RPL14: variants seen among roughly 807,000 people sequenced by gnomAD.
RPL14 encodes large ribosomal subunit protein eL14.
In RPL14, 4 loss-of-function variants were observed where a neutral mutation model predicts 25.3. The ratio of observed to expected loss-of-function variants is 0.16; its 90% CI spans 0.08 to 0.36. RPL14 has a LOEUF of 0.36. Among genes scored for constraint, RPL14 ranks in the 10% least tolerant of loss-of-function variants. The pLI, the probability that RPL14 is intolerant of heterozygous loss-of-function variation, is 1.00. For missense variants in RPL14, 212 were observed against 261.9 expected (o/e 0.81, Z 1.31); for synonymous variants, 75 against 89.8 (o/e 0.84, Z 0.93).
intron 3 of RPL14, among the ~76,000 whole-genome samples, chr3:40,459,682 C>T (rs539181487): frequency 3.0e-4 from 45 of 151,884 alleles, no homozygotes; most frequent in African/African-American, 1.0e-3. Context: ...GGTGAAACCC[C>T]GTCTCTACTA....
In RPL14 at chr3:40,458,265, A is replaced by G. The variant is rs1009881295; in HGVS notation, c.105+274A>G. ...TTACTATACGTAAAGTGAGTTTAGAACAGATCCAGCACGTAGAAAGCACTT... is the reference window on the plus strand; with the variant it reads ...TTACTATACGTAAAGTGAGTTTAGAGCAGATCCAGCACGTAGAAAGCACTT... On this transcript the variant is annotated intron_variant, in intron 2 of 5. Coordinates refer to ENST00000396203, the MANE Select transcript of RPL14 (RefSeq NM_001034996.3). 4 of 548,920 alleles carry G rather than the reference A, an allele frequency of 7.3e-6. No individual in the cohort carries two copies. In the African/African-American group the frequency reaches 7.5e-5, roughly 10 times the overall value. 34.0% of individuals were successfully genotyped at this position (548,920 alleles called of 1,614,324 possible).
chr3:40,458,770 C>T, intron 3 of RPL14, 34 bp downstream of exon 3: 1 of 1,563,516 alleles, frequency 6.4e-7, no homozygotes, highest in Non-Finnish European at 8.8e-7. Context: ...CCCTCCCATC[C>T]CCAGATTTGT....
chr3:40,457,406 G>C lies in RPL14; in HGVS notation c.-66G>C, dbSNP rs1285892471. ...GGGCTCCGGGGCCGTCGACCATGCC[G>C]CTCGACCTCCACCTCCGCTGGGAAG... is the stretch of plus-strand genomic sequence containing the variant. On this transcript the variant is annotated 5_prime_UTR_variant, in exon 1 of 6. Coordinates refer to ENST00000396203, the MANE Select transcript of RPL14 (RefSeq NM_001034996.3). The C allele has an allele frequency of 6.3e-7, 1 of 1,596,380 alleles. No individual in the cohort carries two copies. Among genetic ancestry groups the C allele is most frequent in the African/African-American group, 1.4e-5 (1 of 73,322 alleles).
At chr3:40,460,637 G>A (rs1463654149) in intron 3 of RPL14, among the ~76,000 whole-genome samples, 4 of 149,210 alleles carry the variant, frequency 2.7e-5, no homozygotes, top group Non-Finnish European at 4.4e-5. Context: ...CTTTTGACAC[G>A]GAGTCTCACT....
rs753386671 is a variant in RPL14, at chr3:40,457,462, C to A, written c.-10C>A. The A allele has an allele frequency of 1.3e-6, 2 of 1,570,642 alleles. No individual in the cohort carries two copies. Among genetic ancestry groups the A allele is most frequent in the Admixed American group, 1.9e-5 (1 of 53,984 alleles). On this transcript the variant is annotated 5_prime_UTR_variant, in exon 1 of 6. Coordinates refer to ENST00000396203, the MANE Select transcript of RPL14 (RefSeq NM_001034996.3). Reference sequence around the variant, plus strand: ...GCGCCAAACGGCTCCCAGAGGGTCCCGGGAAGCGCATGGTGAGGGTCCCCG... The same window carrying A: ...GCGCCAAACGGCTCCCAGAGGGTCCAGGGAAGCGCATGGTGAGGGTCCCCG...
rs767738336 is a variant in RPL14, at chr3:40,461,427, G to A, written c.221G>A (p.Arg74Gln). 5.0e-6 allele frequency: 8 copies of A among 1,614,038 alleles called. No homozygotes were observed. The highest frequency in any genetic ancestry group is 1.3e-5 in the African/African-American group (1 of 75,010). ...TCTAGTGCCCACCAGAAGTATGTCCGACAAGCCTGGCAGAAGGCAGACATC... is the reference window on the plus strand; with the variant it reads ...TCTAGTGCCCACCAGAAGTATGTCCAACAAGCCTGGCAGAAGGCAGACATC... ...FPHSAHQKYV[R>Q]QAWQKADINT... The change falls in exon 4 of 6, where the codon CGA (arginine) becomes CAA (glutamine). Residue 74 changes from arginine to glutamine, a missense_variant. Physicochemically the swap from Arg to Gln is conservative, Grantham distance 43 (BLOSUM62 1). This residue lies in a region of RPL14 where 143 missense variants were observed against 180.3 expected (regional missense o/e 0.79). Transcript: ENST00000396203.
chr3:40,460,119 G>A (rs1696912516), intron 3 of RPL14, among the ~76,000 whole-genome samples: 1 of 152,058 alleles, frequency 6.6e-6, no homozygotes, highest in South Asian at 2.1e-4. Flanking sequence ...TTCTGCCTTG[G>A]ATCCCTGGAC....
intron 3 of RPL14, among the ~76,000 whole-genome samples, chr3:40,459,875 A>AAC (rs1326664923): frequency 6.6e-6 from 1 of 150,918 alleles, no homozygotes; most frequent in East Asian, 2.0e-4. Flanking sequence ...AAAAAAAAAA[A>AAC]AAAAACTTAC....
chr3:40,458,409 G>A, intron 2 of RPL14: 1 of 544,842 alleles, frequency 1.8e-6, no homozygotes, highest in South Asian at 2.3e-5. Context: ...GTTTCTATGG[G>A]GTACTATATA....
In RPL14 at chr3:40,458,714, T is replaced by G. The variant is rs1481450301; in HGVS notation, c.178T>G (p.Phe60Val). ...TTTCAAGTGCATGCAGCTCACTGAT[T>G]TCATCCTCAAGTTTCCGCACAGGTA... ...MPFKCMQLTD[F>V]ILKFPHSAHQ... The change falls in exon 3 of 6, where the codon TTC (phenylalanine) becomes GTC (valine). Residue 60 changes from phenylalanine (F) to valine (V), a missense_variant. Phe to Val is a conservative substitution (Grantham distance 50). Around this residue, in one of 3 missense-constraint regions of RPL14, gnomAD observed 143 missense variants for 180.3 expected, o/e 0.79. Transcript: ENST00000396203. 2.5e-6 allele frequency: 4 copies of G among 1,614,090 alleles called. No individual in the cohort carries two copies. In the Admixed American group the frequency reaches 6.7e-5, roughly 27 times the overall value.
rs752426645 is a variant in RPL14 at position 40,461,681 on chromosome 3, T to A, written c.354+20T>A. On this transcript the variant is annotated intron_variant, in intron 5 of 5. Transcript: ENST00000396203. ...AAAATGGTAAGATTTAAGATCTGTA[T>A]TTTTGTGTAACTTAGCTTTAAATAA... is the stretch of plus-strand genomic sequence containing the variant. 6.3e-7 allele frequency: 1 copy of A among 1,585,994 alleles called. No individual in the cohort carries two copies. The highest frequency in any genetic ancestry group is 8.6e-7 in the Non-Finnish European group (1 of 1,168,386).
At chr3:40,458,126 T>A in intron 2 of RPL14, 135 bp downstream of exon 2, 1 of 725,012 alleles carries the variant, frequency 1.4e-6, no homozygotes, top group Non-Finnish European at 2.4e-6. Context: ...AGGAAACAGG[T>A]AATGGTACGG....
chr3:40,457,511 G>T (rs1696860055), intron 1 of RPL14, 37 bp downstream of exon 1: 4 of 1,472,764 alleles, frequency 2.7e-6, no homozygotes, highest in Non-Finnish European at 3.7e-6. Flanking sequence ...GCGGAATCGG[G>T]CCCTTCCCGG....
chr3:40,458,745 C>T lies in RPL14; in HGVS notation c.200+9C>T. On this transcript the variant is annotated intron_variant, in intron 3 of 5. Transcript: ENST00000396203. Reference sequence around the variant, plus strand: ...CTCAAGTTTCCGCACAGGTAACTGTCCACTAATCACTCCTCCCTCCCATCC... The same window carrying T: ...CTCAAGTTTCCGCACAGGTAACTGTTCACTAATCACTCCTCCCTCCCATCC... The T allele has an allele frequency of 1.2e-6, 2 of 1,605,976 alleles. No homozygotes were observed. The highest frequency in any genetic ancestry group is 1.7e-6 in the Non-Finnish European group (2 of 1,172,634).
At chr3:40,459,205 A>G (rs556576822) in intron 3 of RPL14, 11 of 154,510 alleles carry the variant, frequency 7.1e-5, no homozygotes, top group African/African-American at 2.5e-4. Flanking sequence ...AATAAAATAA[A>G]TGCCTTGAGG....
chr3:40,461,633 G>T lies in RPL14; in HGVS notation c.326G>T (p.Arg109Leu). 2 of 1,603,818 alleles carry T rather than the reference G, an allele frequency of 1.2e-6. No homozygotes were observed. The highest frequency in any genetic ancestry group is 1.1e-5 in the South Asian group (1 of 88,158). ...ERKAKMTDFD[R>L]FKVMKAKKMR... is the part of the protein sequence containing the mutation. ...AAAGCCAAGATGACAGATTTTGATC[G>T]TTTTAAAGTTATGAAGGCAAAGAAA... Residue 109 changes from arginine to leucine, a missense_variant, in exon 5 of 6, where the codon CGT becomes CTT. By Grantham distance (102) the Arg-to-Leu change is moderately radical. This residue lies in a region of RPL14 where 143 missense variants were observed against 180.3 expected (regional missense o/e 0.79). Coordinates refer to ENST00000396203, the MANE Select transcript of RPL14 (RefSeq NM_001034996.3).
In RPL14 at chr3:40,457,345, G is replaced by C. The variant is rs988397195; in HGVS notation, c.-127G>C. The C allele has an allele frequency of 6.2e-7, 1 of 1,603,918 alleles. No homozygotes were observed. Among genetic ancestry groups the C allele is most frequent in the African/African-American group, 1.4e-5 (1 of 73,378 alleles). On this transcript the variant is annotated 5_prime_UTR_variant, in exon 1 of 6. Coordinates refer to ENST00000396203, the MANE Select transcript of RPL14 (RefSeq NM_001034996.3). ...GGTTGGGCGGGTCTTCTTCCTTCTC[G>C]CCTAACGCCGCCAACATGGTGAGTC...
In RPL14 at chr3:40,464,400, T is replaced by C; in HGVS notation, c.*2168T>C. On this transcript the variant is annotated 3_prime_UTR_variant, in exon 6 of 6. Transcript: ENST00000396203. ...AAGGAAAATATGGATGATTTCGGAT[T>C]ACCTGTTCTACTCTGGGAGGTAGAG... is the stretch of plus-strand genomic sequence containing the variant. The C allele has an allele frequency of 2.2e-6, 1 of 453,692 alleles. No homozygotes were observed. The highest frequency in any genetic ancestry group is 1.6e-5 in the South Asian group (1 of 64,304). The allele number at this position is 453,692 out of a possible 1,614,324, so 28.1% of individuals were successfully genotyped here. A position where few individuals can be genotyped will look rare whatever the true frequency, so the allele number is the denominator to read the frequency against.
chr3:40,459,556 A>G (rs1438875790), intron 3 of RPL14, among the ~76,000 whole-genome samples: 1 of 152,166 alleles, frequency 6.6e-6, no homozygotes, highest in East Asian at 1.9e-4. Flanking sequence ...AAAAATAGTC[A>G]AAAACTTGCT....
Sources: allele counts gnomAD v4.1 joint callset (sites outside exome capture counted in the v4.1 genomes callset), GRCh38; gene constraint gnomAD v4.1.1; regional missense constraint gnomAD v4.1.1; transcripts MANE v1.5; gene names NCBI Gene and HGNC (gene_info 2026-07-23, HGNC 2026-07-21).